Variants in TMEM132D observed in about 807,000 individuals in gnomAD.
The protein encoded by TMEM132D is transmembrane protein 132D.
TMEM132D carries 21 observed loss-of-function variants against 62.3 expected under a neutral mutation model. That is an observed-to-expected ratio of 0.34 (90% CI 0.24 to 0.49). TMEM132D has a LOEUF of 0.49. Ranked by LOEUF, TMEM132D falls within the 20% of genes least tolerant of loss-of-function variation. TMEM132D has a pLI of 0.99. For synonymous variants in TMEM132D, 621 were observed against 575.6 expected (o/e 1.08, Z -1.13); for missense variants, 1,346 against 1,402.8 (o/e 0.96, Z 0.65).
intron 4 of TMEM132D, among the ~76,000 whole-genome samples, chr12:129,284,810 C>T (rs943842599): frequency 6.6e-6 from 1 of 152,126 alleles, no homozygotes; most frequent in African/African-American, 2.4e-5. Flanking sequence ...GTGAAAGAAA[C>T]CAGACACAAA....
intron 2 of TMEM132D, among the ~76,000 whole-genome samples, chr12:129,567,365 G>A (rs1041368777): frequency 2.0e-5 from 3 of 152,162 alleles, no homozygotes; most frequent in African/African-American, 7.2e-5. Flanking sequence ...TAGACCAGAA[G>A]TTCATTGATA....
chr12:129,652,582 G>T (rs536443153), intron 2 of TMEM132D, among the ~76,000 whole-genome samples: 55 of 152,286 alleles, frequency 3.6e-4, no homozygotes, highest in African/African-American at 1.2e-3. Context: ...CACCCTGCTG[G>T]GTTTTAGGAT....
chr12:129,752,584 C>T (rs1220922247), intron 1 of TMEM132D, among the ~76,000 whole-genome samples: 5 of 152,200 alleles, frequency 3.3e-5, no homozygotes, highest in African/African-American at 4.8e-5. Flanking sequence ...ATCTATGCTT[C>T]GATTAGGACT....
intron 1 of TMEM132D, among the ~76,000 whole-genome samples, chr12:129,708,637 A>AAT (rs1881564758): frequency 2.8e-5 from 1 of 35,668 alleles, no homozygotes; most frequent in African/African-American, 1.0e-4. Context: ...AAAAACACAC[A>AAT]CACACACACA....
chr12:129,339,036 A>G (rs779537139), intron 3 of TMEM132D, among the ~76,000 whole-genome samples: 10 of 152,052 alleles, frequency 6.6e-5, no homozygotes, highest in Non-Finnish European at 1.2e-4. Flanking sequence ...AAAGAAAGGA[A>G]AGATAAAAGC....
At chr12:129,554,672 A>C (rs902427607) in intron 2 of TMEM132D, among the ~76,000 whole-genome samples, 1 of 152,158 alleles carries the variant, frequency 6.6e-6, no homozygotes, top group African/African-American at 2.4e-5. Flanking sequence ...CACTTGTTGA[A>C]CTGGATATTT....
chr12:129,789,441 C>T (rs1485938219), intron 1 of TMEM132D, among the ~76,000 whole-genome samples: 1 of 152,184 alleles, frequency 6.6e-6, no homozygotes, highest in Admixed American at 6.5e-5. Context: ...TTTATAGCAG[C>T]ACAATTTGCA....
At chr12:129,761,788 G>T (rs796654288) in intron 1 of TMEM132D, among the ~76,000 whole-genome samples, 34 of 152,218 alleles carry the variant, frequency 2.2e-4, no homozygotes, top group African/African-American at 8.2e-4. Context: ...AGCTACAACA[G>T]GTTCCTAGGA....
At chr12:129,494,003 C>T (rs966105814) in intron 3 of TMEM132D, among the ~76,000 whole-genome samples, 5 of 152,190 alleles carry the variant, frequency 3.3e-5, no homozygotes, top group African/African-American at 9.7e-5. Flanking sequence ...TAAGCTTCTT[C>T]CCTTCTGTGT....
chr12:129,524,709 C>A (rs904207805), intron 3 of TMEM132D, among the ~76,000 whole-genome samples: 1 of 151,550 alleles, frequency 6.6e-6, no homozygotes, highest in Non-Finnish European at 1.5e-5. Context: ...CAGATACTGA[C>A]AAATATATCT....
chr12:129,871,054 T>C (rs960634849), intron 1 of TMEM132D, among the ~76,000 whole-genome samples: 1 of 152,184 alleles, frequency 6.6e-6, no homozygotes, highest in Non-Finnish European at 1.5e-5. Context: ...ATCCTGGTCC[T>C]GTGAAATGTG....
At chr12:129,386,739 A>G (rs964498027) in intron 3 of TMEM132D, among the ~76,000 whole-genome samples, 5 of 151,692 alleles carry the variant, frequency 3.3e-5, no homozygotes, top group East Asian at 1.9e-4. Context: ...AACGCCACCA[A>G]TGCTAACACT....
chr12:129,842,661 G>T (rs1873232959), intron 1 of TMEM132D, among the ~76,000 whole-genome samples: 1 of 151,826 alleles, frequency 6.6e-6, no homozygotes, highest in African/African-American at 2.4e-5. Context: ...CAGAGACAGG[G>T]TCTCACCATG....
At chr12:129,500,423 G>A (rs1875104047) in intron 3 of TMEM132D, among the ~76,000 whole-genome samples, 1 of 147,740 alleles carries the variant, frequency 6.8e-6, no homozygotes, top group Non-Finnish European at 1.5e-5. Context: ...CCTCTAGCCT[G>A]GAGGAAACTG....
At chr12:129,173,490 C>T (rs1877796940) in intron 5 of TMEM132D, among the ~76,000 whole-genome samples, 1 of 152,208 alleles carries the variant, frequency 6.6e-6, no homozygotes, top group Non-Finnish European at 1.5e-5. Context: ...TGCTTTTTCT[C>T]ACCAAAGATT....
At chr12:129,457,654 G>A (rs114075480) in intron 3 of TMEM132D, among the ~76,000 whole-genome samples, 3,066 of 152,168 alleles carry the variant, frequency 0.02, 108 homozygotes, top group African/African-American at 0.07. Context: ...GTGAAGCATG[G>A]CTGGGAGGCC....
chr12:129,581,412 C>T (rs767027408), intron 2 of TMEM132D, among the ~76,000 whole-genome samples: 3 of 152,168 alleles, frequency 2.0e-5, no homozygotes, highest in Non-Finnish European at 2.9e-5. Flanking sequence ...GAAGTCCCAC[C>T]ATAGGCCGTC....
intron 3 of TMEM132D, among the ~76,000 whole-genome samples, chr12:129,405,156 T>C (rs1159728791): frequency 6.6e-6 from 1 of 152,138 alleles, no homozygotes; most frequent in Non-Finnish European, 1.5e-5. Context: ...ATTTGTTCCT[T>C]AACACCTCTG....
chr12:129,216,405 G>A (rs1456226743), intron 4 of TMEM132D, among the ~76,000 whole-genome samples: 1 of 152,190 alleles, frequency 6.6e-6, no homozygotes, highest in African/African-American at 2.4e-5. Context: ...AATGGATTAA[G>A]GTGGGATTGT....
Sources: allele counts gnomAD v4.1 joint callset (sites outside exome capture counted in the v4.1 genomes callset), GRCh38; gene constraint gnomAD v4.1.1; transcripts MANE v1.5; gene names NCBI Gene and HGNC (gene_info 2026-07-23, HGNC 2026-07-21).